Variants in NALF1 observed in about 807,000 individuals in gnomAD.
NALF1 encodes family with sequence similarity 155 member A.
Under a neutral mutation model 48.4 loss-of-function variants are expected in NALF1, and 3 were observed. That is an observed-to-expected ratio of 0.06 (90% CI 0.03 to 0.16). NALF1 has a LOEUF of 0.16. Among genes scored for constraint, NALF1 ranks in the 10% least tolerant of loss-of-function variants. NALF1 has a pLI of 1.00. For missense variants in NALF1, 526 were observed against 571.5 expected (o/e 0.92, Z 0.81); for synonymous variants, 262 against 245.7 (o/e 1.07, Z -0.62).
chr13:107,311,643 A>T (rs1447617043), intron 1 of NALF1, among the ~76,000 whole-genome samples: 1 of 151,854 alleles, frequency 6.6e-6, no homozygotes, highest in Non-Finnish European at 1.5e-5. Context: ...AAGCCTAAAA[A>T]TGGGAGAAAA....
At chr13:107,681,896 C>A (rs1258651513) in intron 1 of NALF1, among the ~76,000 whole-genome samples, 1 of 152,164 alleles carries the variant, frequency 6.6e-6, no homozygotes, top group African/African-American at 2.4e-5. Flanking sequence ...TATTCCTCCT[C>A]CTCTCCACTA....
intron 1 of NALF1, among the ~76,000 whole-genome samples, chr13:107,256,574 A>G (rs917951898): frequency 5.3e-5 from 8 of 152,214 alleles, no homozygotes; most frequent in South Asian, 2.1e-4. Context: ...TTGGGAAAGA[A>G]TTTGCTGATA....
At position 107,866,323 on chromosome 13, in the gene NALF1, G is replaced by C; in HGVS notation, c.274C>G (p.Gln92Glu). The C allele has an allele frequency of 6.2e-7, 1 of 1,609,120 alleles. No individual in the cohort carries two copies. The highest frequency in any genetic ancestry group is 8.5e-7 in the Non-Finnish European group (1 of 1,179,038). Residue 92 changes from glutamine (Q) to glutamate (E), a missense_variant, in exon 1 of 3, where the codon CAG becomes GAG. Transcript: ENST00000375915. The surrounding 1 kb of genome is among the most constrained non-coding windows in gnomAD (Gnocchi z 4.4). ...TCCTGCTGCCGCCGCTGCTGCTGCTGCTGCTGCCGCTGCCTCTGCTGCTGC... is the reference window on the plus strand; with the variant it reads ...TCCTGCTGCCGCCGCTGCTGCTGCTCCTGCTGCCGCTGCCTCTGCTGCTGC... ...QQQQQRQRQQ[Q>E]QQQRRQQEPS...
intron 1 of NALF1, among the ~76,000 whole-genome samples, chr13:107,326,380 G>C: frequency 6.6e-6 from 1 of 152,104 alleles, no homozygotes; most frequent in Admixed American, 6.6e-5. Flanking sequence ...ACAGGTATTA[G>C]AGCGATGCCA....
intron 1 of NALF1, among the ~76,000 whole-genome samples, chr13:107,326,766 T>G (rs2138919808): frequency 6.6e-6 from 1 of 152,370 alleles, no homozygotes; most frequent in South Asian, 2.1e-4. Flanking sequence ...TTCAGCATGG[T>G]GCCCAGGGAT....
intron 1 of NALF1, among the ~76,000 whole-genome samples, chr13:107,815,768 T>C (rs1879145023): frequency 6.6e-6 from 1 of 152,110 alleles, no homozygotes; most frequent in South Asian, 2.1e-4. Flanking sequence ...GGATAAAAAA[T>C]ATGTGGCATA....
chr13:107,268,048 G>A lies in NALF1; in HGVS notation c.916-57293C>T, dbSNP rs549168875. ...TGTCACCAGGCTGGAGAGTAGTGGC[G>A]CGATCTCGGCTCACTGCAACCTCCG... On this transcript the variant is annotated intron_variant, in intron 1 of 2. Coordinates refer to ENST00000375915, the MANE Select transcript of NALF1 (RefSeq NM_001080396.3). Among the ~76,000 whole-genome samples, 6 of 146,452 alleles carry A rather than the reference G, an allele frequency of 4.1e-5. No homozygotes were observed. The East Asian group carries it at 6.2e-4, about 15-fold the overall frequency.
chr13:107,330,296 G>C (rs928869360), intron 1 of NALF1, among the ~76,000 whole-genome samples: 2 of 152,220 alleles, frequency 1.3e-5, no homozygotes, highest in Admixed American at 6.5e-5. Context: ...GATGTCCAAA[G>C]AGAAAAGATG....
Position 107,840,377 on chromosome 13 carries a change from T to C in NALF1, c.915+25305A>G, listed in dbSNP as rs186354032. Among the ~76,000 whole-genome samples the C allele has an allele frequency of 3.3e-4, 51 of 152,360 alleles. 1 individual carries two copies. The East Asian group carries it at 8.7e-3, about 26-fold the overall frequency. On this transcript the variant is annotated intron_variant, in intron 1 of 2. Coordinates refer to ENST00000375915, the MANE Select transcript of NALF1 (RefSeq NM_001080396.3). ...TTTAAAAGTGGCAGTAGGTGGTCCATATTGGTTTAGGAGACCCAGATATTC... is the reference window on the plus strand; with the variant it reads ...TTTAAAAGTGGCAGTAGGTGGTCCACATTGGTTTAGGAGACCCAGATATTC...
chr13:107,535,907 C>G (rs1876791306), intron 1 of NALF1, among the ~76,000 whole-genome samples: 1 of 152,096 alleles, frequency 6.6e-6, no homozygotes, highest in Non-Finnish European at 1.5e-5. Flanking sequence ...GAACAGAGCC[C>G]TCAGTAATAA....
At chr13:107,656,933 T>C (rs2138472680) in intron 1 of NALF1, among the ~76,000 whole-genome samples, 1 of 152,086 alleles carries the variant, frequency 6.6e-6, no homozygotes, top group Non-Finnish European at 1.5e-5. Context: ...ATTTTCTCAC[T>C]CATATGTGGG....
intron 1 of NALF1, among the ~76,000 whole-genome samples, chr13:107,544,996 A>C (rs1594120977): frequency 6.6e-6 from 1 of 152,108 alleles, no homozygotes; most frequent in African/African-American, 2.4e-5. Flanking sequence ...TTCTCTAAGG[A>C]ACACACACAG....
intron 1 of NALF1, among the ~76,000 whole-genome samples, chr13:107,523,363 A>C (rs962610250): frequency 1.3e-5 from 2 of 151,860 alleles, no homozygotes; most frequent in Admixed American, 6.6e-5. Context: ...CACAATAAGA[A>C]ATTTTTTTTA....
At chr13:107,241,694 G>A (rs1178404597) in intron 1 of NALF1, among the ~76,000 whole-genome samples, 1 of 152,212 alleles carries the variant, frequency 6.6e-6, no homozygotes. Flanking sequence ...TAGAAAGCCT[G>A]GCACAGATTT....
At chr13:107,612,880 A>T (rs2138434007) in intron 1 of NALF1, among the ~76,000 whole-genome samples, 1 of 152,220 alleles carries the variant, frequency 6.6e-6, no homozygotes, top group South Asian at 2.1e-4. Context: ...CTATTTGTCT[A>T]TCTAACTATC....
rs1878701453 is a variant in NALF1, at chr13:107,167,965, C to A, written c.*2532G>T. On this transcript the variant is annotated 3_prime_UTR_variant, in exon 3 of 3. Coordinates refer to ENST00000375915, the MANE Select transcript of NALF1 (RefSeq NM_001080396.3). Reference sequence around the variant, plus strand: ...CTATATTTTAAGGAATACTGCTTTTCGTCATTTTGCTAAGTGTTTAGAAAG... The same window carrying A: ...CTATATTTTAAGGAATACTGCTTTTAGTCATTTTGCTAAGTGTTTAGAAAG... 1 of 152,150 alleles carries A rather than the reference C, an allele frequency of 6.6e-6. No individual in the cohort carries two copies. 9.4% of individuals were successfully genotyped at this position (152,150 alleles called of 1,614,324 possible).
intron 1 of NALF1, among the ~76,000 whole-genome samples, chr13:107,663,070 C>T (rs1286878964): frequency 1.3e-5 from 2 of 152,138 alleles, no homozygotes; most frequent in Non-Finnish European, 2.9e-5. Context: ...TGTTGTGATA[C>T]TACATATTTG....
At chr13:107,744,698 C>A (rs1876736636) in intron 1 of NALF1, among the ~76,000 whole-genome samples, 1 of 152,136 alleles carries the variant, frequency 6.6e-6, no homozygotes, top group Non-Finnish European at 1.5e-5. Context: ...GCTGGCCATG[C>A]CAGCTTAAGA....
In NALF1 at chr13:107,163,602, T is replaced by C. The variant is rs1878601620; in HGVS notation, c.*6895A>G. On this transcript the variant is annotated 3_prime_UTR_variant, in exon 3 of 3. Transcript: ENST00000375915. ...TCCAAGGCATTTCTTTAGCTACTAA[T>C]ATACTCCGGAATGTTCCTTTCCACA... The C allele has an allele frequency of 6.6e-6, 1 of 152,228 alleles. No homozygotes were observed. The highest frequency in any genetic ancestry group is 2.4e-5 in the African/African-American group (1 of 41,468). 9.4% of individuals were successfully genotyped at this position (152,228 alleles called of 1,614,324 possible). A position where few individuals can be genotyped will look rare whatever the true frequency, so the allele number is the denominator to read the frequency against.
Sources: gnomAD v4.1 joint callset for allele counts (sites outside exome capture counted in the v4.1 genomes callset) on GRCh38, gnomAD v4.1.1 for gene constraint, Gnocchi (gnomAD v3.1) non-coding constraint, MANE v1.5 for transcripts, NCBI Gene and HGNC (gene_info 2026-07-23, HGNC 2026-07-21) for gene names.